The following EML6 variants were observed in gnomAD, a reference collection of about 807,000 sequenced individuals.
EML6 encodes echinoderm microtubule-associated protein-like 6.
A neutral mutation model predicts 240.1 loss-of-function variants in EML6; 154 were observed. The ratio of observed to expected loss-of-function variants is 0.64; its 90% confidence interval spans 0.56 to 0.73. The LOEUF (loss-of-function observed/expected upper bound fraction) is 0.73. Among genes scored for constraint, EML6 ranks in the 30% least tolerant of loss-of-function variants. The probability of loss-of-function intolerance (pLI) is 0.00; values close to 1 mark genes in which losing one functional copy is unlikely to be tolerated. For missense variants in EML6, 2,964 were observed against 2,474.6 expected, an observed-to-expected ratio of 1.20 and a Z score of -4.20; for synonymous variants, 1,148 against 899.0, an observed-to-expected ratio of 1.28 and a Z score of -4.95.
intron 28 of EML6, among the ~76,000 whole-genome samples, chr2:54,931,970 A>G (rs1180612467): frequency 6.6e-6 from 1 of 152,142 alleles, no homozygotes; most frequent in Non-Finnish European, 1.5e-5. Context: ...AAATTTTAAG[A>G]TATTTGTGGA....
At chr2:54,930,826 A>AT (rs1357619090) in intron 28 of EML6, among the ~76,000 whole-genome samples, 2 of 152,126 alleles carry the variant, frequency 1.3e-5, no homozygotes, top group Non-Finnish European at 2.9e-5. Context: ...AAAGAGCAAT[A>AT]AATGATGGCC....
chr2:54,733,385 G>C (rs1027067159), intron 2 of EML6, among the ~76,000 whole-genome samples: 1 of 152,200 alleles, frequency 6.6e-6, no homozygotes, highest in African/African-American at 2.4e-5. Flanking sequence ...TTCTAAGTAA[G>C]GGATCATCAG....
chr2:54,915,620 C>T (rs1673869839), intron 25 of EML6, among the ~76,000 whole-genome samples: 1 of 152,084 alleles, frequency 6.6e-6, no homozygotes, highest in Non-Finnish European at 1.5e-5. Context: ...AAGAAACACA[C>T]AAGATTAAAT....
rs542698299 is a variant in EML6 at position 54,848,634 on chromosome 2, T to C, written c.1187+1011T>C. On this transcript the variant is annotated intron_variant, in intron 9 of 41. Transcript: ENST00000356458. ...TGATAGCAGGTATGAGCGACTGTTA[T>C]GTAGAACGATTATTTGCTATTCTTT... is the stretch of plus-strand genomic sequence containing the variant. Among the ~76,000 whole-genome samples, 19 of 152,234 alleles carry C rather than the reference T, an allele frequency of 1.2e-4. No individual in the cohort carries two copies. In the East Asian group the frequency reaches 2.7e-3, roughly 22 times the overall value.
intron 2 of EML6, among the ~76,000 whole-genome samples, chr2:54,801,722 T>C (rs1670159318): frequency 6.6e-6 from 1 of 152,216 alleles, no homozygotes; most frequent in African/African-American, 2.4e-5. Flanking sequence ...AACAAACTAT[T>C]GTAAGAACCT....
chr2:54,768,960 G>T (rs931625205), intron 2 of EML6, among the ~76,000 whole-genome samples: 21 of 152,198 alleles, frequency 1.4e-4, no homozygotes, highest in African/African-American at 3.9e-4. Flanking sequence ...CAACACATGT[G>T]GATAATGATG....
At chr2:54,911,609 AT>A (rs1053190582) in intron 25 of EML6, among the ~76,000 whole-genome samples, 1 of 151,374 alleles carries the variant, frequency 6.6e-6, no homozygotes, top group Non-Finnish European at 1.5e-5. Flanking sequence ...TTTTTATTTT[AT>A]TTTTTTAGTA....
intron 15 of EML6, among the ~76,000 whole-genome samples, chr2:54,869,733 A>G (rs1003525455): frequency 2.6e-5 from 4 of 152,234 alleles, no homozygotes; most frequent in African/African-American, 9.6e-5. Context: ...TAAAAATACT[A>G]TAACATCTAG....
At chr2:54,950,603 CCCTT>C (rs1437967843) in intron 29 of EML6, 43 bp from the exon 30 acceptor site, 2 of 1,547,154 alleles carry the variant, frequency 1.3e-6, no homozygotes, top group Non-Finnish European at 1.7e-6. Context: ...CCTCGGCTCT[CCCTT>C]CCTTCCTCTG....
At chr2:54,813,524 C>T in intron 3 of EML6, 133 bp downstream of exon 3, 1 of 804,202 alleles carries the variant, frequency 1.2e-6, no homozygotes, top group South Asian at 1.7e-5. Flanking sequence ...TAGAATTTTT[C>T]ACCTGTTTTT....
intron 2 of EML6, among the ~76,000 whole-genome samples, chr2:54,734,214 T>C (rs1463118461): frequency 6.6e-6 from 1 of 152,174 alleles, no homozygotes; most frequent in Non-Finnish European, 1.5e-5. Context: ...GGCGGGTGCC[T>C]GTAATCCCAG....
chr2:54,811,388 GT>G (rs1355439867), intron 2 of EML6, among the ~76,000 whole-genome samples: 1 of 152,140 alleles, frequency 6.6e-6, no homozygotes, highest in Non-Finnish European at 1.5e-5. Context: ...GTCTTTTCAC[GT>G]GAATCCCCTT....
At chr2:54,787,737 T>C (rs1669167385) in intron 2 of EML6, among the ~76,000 whole-genome samples, 1 of 152,232 alleles carries the variant, frequency 6.6e-6, no homozygotes, top group Non-Finnish European at 1.5e-5. Flanking sequence ...CCTTAAGATC[T>C]CAAATCAGAT....
At chr2:54,888,063 A>G (rs34759291) in intron 17 of EML6, among the ~76,000 whole-genome samples, 1 of 152,266 alleles carries the variant, frequency 6.6e-6, no homozygotes. Flanking sequence ...ATAGACGCCA[A>G]TACTATGCCA....
At chr2:54,781,311 A>C (rs533035971) in intron 2 of EML6, among the ~76,000 whole-genome samples, 44 of 152,194 alleles carry the variant, frequency 2.9e-4, no homozygotes, top group African/African-American at 9.6e-4. Flanking sequence ...TCTTGTCGAG[A>C]CCCTTCTGTG....
At chr2:54,879,779 A>G (rs943894230) in intron 17 of EML6, 139 bp downstream of exon 17, 2 of 634,150 alleles carry the variant, frequency 3.2e-6, no homozygotes, top group Non-Finnish European at 5.6e-6. Context: ...AAGTGAAAAA[A>G]TACTGCAGTA....
chr2:54,869,601 G>C (rs1671148710), intron 15 of EML6, among the ~76,000 whole-genome samples: 1 of 152,094 alleles, frequency 6.6e-6, no homozygotes, highest in Non-Finnish European at 1.5e-5. Context: ...TCTATGAATG[G>C]GACCAGCTAA....
intron 21 of EML6, among the ~76,000 whole-genome samples, chr2:54,898,728 C>CT (rs1340984143): frequency 6.6e-6 from 1 of 152,140 alleles, no homozygotes; most frequent in Non-Finnish European, 1.5e-5. Flanking sequence ...TGTGGGCTTC[C>CT]TTTTTGCTTT....
At chr2:54,895,657 T>C (rs1672723991) in intron 21 of EML6, among the ~76,000 whole-genome samples, 1 of 152,246 alleles carries the variant, frequency 6.6e-6, no homozygotes, top group Non-Finnish European at 1.5e-5. Flanking sequence ...TAGTGTTTTA[T>C]AAGGTTGCAA....
Sources: gnomAD v4.1 joint callset for allele counts (sites outside exome capture counted in the v4.1 genomes callset) on GRCh38, gnomAD v4.1.1 for gene constraint, MANE v1.5 for transcripts, NCBI Gene and HGNC (gene_info 2026-07-23, HGNC 2026-07-21) for gene names.